Variants in NEMP2 observed in about 807,000 individuals in gnomAD.
NEMP2 encodes nuclear envelope integral membrane protein 2.
Under a neutral mutation model 54.2 loss-of-function variants are expected in NEMP2, and 53 were observed. That is an observed-to-expected ratio of 0.98 (90% CI 0.78 to 1.23). The LOEUF is 1.23. Among genes scored for constraint, NEMP2 ranks in the 50% most tolerant of loss-of-function variants. NEMP2 has a pLI of 0.00. For missense variants in NEMP2, 455 were observed against 511.3 expected (o/e 0.89, Z 1.06); for synonymous variants, 197 against 190.3 (o/e 1.04, Z -0.29).
the NEMP2 span, among the ~76,000 whole-genome samples, chr2:190,630,006 A>C: frequency 6.6e-6 from 1 of 152,250 alleles, no homozygotes; most frequent in Non-Finnish European, 1.5e-5. The surrounding 1 kb of genome is among the most constrained non-coding windows in gnomAD (Gnocchi z 5.5). Flanking sequence ...GTCAAAGCAC[A>C]AGCAGACCAT....
the NEMP2 span, among the ~76,000 whole-genome samples, chr2:190,619,335 C>CAA: frequency 2.0e-3 from 235 of 119,174 alleles, no homozygotes; most frequent in Non-Finnish European, 1.6e-3. This position sits in a 1 kb window ranked among gnomAD's most constrained non-coding sequence, Gnocchi z 5.5. Flanking sequence ...CCTGTCTCCA[C>CAA]AAAAAAAAAA....
chr2:190,470,487 G>A, the NEMP2 span, among the ~76,000 whole-genome samples: 1 of 152,130 alleles, frequency 6.6e-6, no homozygotes, highest in Non-Finnish European at 1.5e-5. Context: ...AAAGCTCATT[G>A]CCATGTTAGC....
the NEMP2 span, among the ~76,000 whole-genome samples, chr2:190,621,290 AC>A: frequency 6.6e-6 from 1 of 152,228 alleles, no homozygotes; most frequent in Non-Finnish European, 1.5e-5. Flanking sequence ...TAGGCTACAA[AC>A]TTGTACAGCA....
chr2:190,597,798 C>A, the NEMP2 span, among the ~76,000 whole-genome samples: 3 of 151,882 alleles, frequency 2.0e-5, no homozygotes, highest in Admixed American at 6.6e-5. This position sits in a 1 kb window ranked among gnomAD's most constrained non-coding sequence, Gnocchi z 4.7. Flanking sequence ...AAAAAAAAAA[C>A]AACTCTGAGC....
At chr2:190,608,009 AG>A in the NEMP2 span, 1 of 152,244 alleles carries the variant, frequency 6.6e-6, no homozygotes, top group Non-Finnish European at 1.5e-5. The surrounding 1 kb of genome is among the most constrained non-coding windows in gnomAD (Gnocchi z 4.9). Flanking sequence ...AATATTAAAT[AG>A]AAAACACCAG....
the NEMP2 span, among the ~76,000 whole-genome samples, chr2:190,549,308 T>C: frequency 6.6e-6 from 1 of 152,240 alleles, no homozygotes; most frequent in African/African-American, 2.4e-5. Flanking sequence ...ACTATTGATA[T>C]CTAGATCCAC....
intron 7 of NEMP2, among the ~76,000 whole-genome samples, chr2:190,511,921 G>A (rs1296088180): frequency 6.7e-6 from 1 of 150,338 alleles, no homozygotes; most frequent in Non-Finnish European, 1.5e-5. Context: ...TTTAACCAGA[G>A]ATTTTGAAAT....
At chr2:190,620,464 CAG>C in the NEMP2 span, 3 of 152,156 alleles carry the variant, frequency 2.0e-5, no homozygotes, top group Non-Finnish European at 2.9e-5. The surrounding 1 kb of genome is among the most constrained non-coding windows in gnomAD (Gnocchi z 4.9). Context: ...AACAAAAAAA[CAG>C]AGAATCCGTC....
chr2:190,510,381 G>A lies in NEMP2; in HGVS notation c.1110C>T (p.Ser370=). Reference sequence around the variant, plus strand: ...CTTACTTGCTAGGAGTGTGGAGTCTGGAGACGACCAGCCATGAGGGAAAGT... The same window carrying A: ...CTTACTTGCTAGGAGTGTGGAGTCTAGAGACGACCAGCCATGAGGGAAAGT... ...KPDFPSWLVV[S]RLHTPSKFAD... The change falls in exon 8 of 9, where the codon TCC becomes TCT. Residue 370 remains serine, a synonymous_variant. Transcript: ENST00000409150. This position sits in a 1 kb window ranked among gnomAD's most constrained non-coding sequence, Gnocchi z 5.7. 1 of 1,551,718 alleles carries A rather than the reference G, an allele frequency of 6.4e-7. No individual in the cohort carries two copies. The highest frequency in any genetic ancestry group is 8.7e-7 in the Non-Finnish European group (1 of 1,147,002).
chr2:190,488,673 C>CATCTGGGCAGCATGCATTTCTT, the NEMP2 span: 1 of 1,572,440 alleles, frequency 6.4e-7, no homozygotes, highest in Non-Finnish European at 8.6e-7. The surrounding 1 kb of genome is among the most constrained non-coding windows in gnomAD (Gnocchi z 6.4). Context: ...CACACGCGGC[C>CATCTGGGCAGCATGCATTTCTT]ATCTGGGCAG....
At chr2:190,604,732 C>T in the NEMP2 span, among the ~76,000 whole-genome samples, 1 of 152,088 alleles carries the variant, frequency 6.6e-6, no homozygotes, top group Non-Finnish European at 1.5e-5. This position sits in a 1 kb window ranked among gnomAD's most constrained non-coding sequence, Gnocchi z 4.5. Context: ...TCCAGCAGTC[C>T]AGCATTCATT....
chr2:190,590,619 G>C, the NEMP2 span, among the ~76,000 whole-genome samples: 1 of 152,138 alleles, frequency 6.6e-6, no homozygotes, highest in Non-Finnish European at 1.5e-5. The surrounding 1 kb of genome is among the most constrained non-coding windows in gnomAD (Gnocchi z 5.1). Context: ...TTTACTCTCA[G>C]TTGCTTCCTG....
the NEMP2 span, among the ~76,000 whole-genome samples, chr2:190,457,854 G>T: frequency 3.9e-5 from 6 of 152,132 alleles, no homozygotes; most frequent in Non-Finnish European, 5.9e-5. The surrounding 1 kb of genome is among the most constrained non-coding windows in gnomAD (Gnocchi z 5.1). Flanking sequence ...CATATGCCCC[G>T]CCATGCTGCC....
the NEMP2 span, chr2:190,488,929 TC>T: frequency 1.9e-6 from 2 of 1,066,026 alleles, no homozygotes; most frequent in Admixed American, 6.4e-5. This position sits in a 1 kb window ranked among gnomAD's most constrained non-coding sequence, Gnocchi z 6.4. Flanking sequence ...AAAGCTAAAT[TC>T]CAGTATTCAT....
chr2:190,648,637 C>T, the NEMP2 span, among the ~76,000 whole-genome samples: 1 of 150,820 alleles, frequency 6.6e-6, no homozygotes, highest in Admixed American at 6.6e-5. Flanking sequence ...AATTGCAAAC[C>T]TTCCCAGTTC....
the NEMP2 span, among the ~76,000 whole-genome samples, chr2:190,425,836 T>TCCAA: frequency 6.6e-6 from 1 of 152,210 alleles, no homozygotes; most frequent in Non-Finnish European, 1.5e-5. The surrounding 1 kb of genome is among the most constrained non-coding windows in gnomAD (Gnocchi z 4.3). Context: ...TTTTTCTGGA[T>TCCAA]ATAGCATTCT....
the NEMP2 span, among the ~76,000 whole-genome samples, chr2:190,430,087 A>G: frequency 9.2e-5 from 14 of 151,620 alleles, no homozygotes; most frequent in East Asian, 2.7e-3. Flanking sequence ...ATAAGTGAGA[A>G]CATGTGGTGT....
At chr2:190,561,558 C>G in the NEMP2 span, among the ~76,000 whole-genome samples, 1 of 152,122 alleles carries the variant, frequency 6.6e-6, no homozygotes, top group Non-Finnish European at 1.5e-5. The surrounding 1 kb of genome is among the most constrained non-coding windows in gnomAD (Gnocchi z 5.4). Context: ...CCCCTAATGA[C>G]CTCATTTTAC....
At chr2:190,626,233 G>T in the NEMP2 span, 1 of 152,142 alleles carries the variant, frequency 6.6e-6, no homozygotes, top group East Asian at 1.9e-4. This position sits in a 1 kb window ranked among gnomAD's most constrained non-coding sequence, Gnocchi z 4.5. Context: ...CACATTGAGG[G>T]TTAGGATTTC....
Sources: gnomAD v4.1 joint callset for allele counts (sites outside exome capture counted in the v4.1 genomes callset) on GRCh38, gnomAD v4.1.1 for gene constraint, Gnocchi (gnomAD v3.1) non-coding constraint, MANE v1.5 for transcripts, NCBI Gene and HGNC (gene_info 2026-07-23, HGNC 2026-07-21) for gene names.